HHLA1: variants seen among roughly 807,000 people sequenced by gnomAD.
The protein encoded by HHLA1 is HHLA1 neighbor of OC90, also known as HERV-H LTR-associating protein 1.
A neutral mutation model predicts 69.9 loss-of-function variants in HHLA1; 72 were observed. The ratio of observed to expected loss-of-function variants is 1.03; its 90% CI spans 0.85 to 1.25. HHLA1 has a LOEUF of 1.25. HHLA1 is among the 50% of genes most tolerant of loss of function. The pLI, the probability that HHLA1 is intolerant of heterozygous loss-of-function variation, is 0.00. For synonymous variants in HHLA1, 252 were observed against 233.2 expected (o/e 1.08, Z -0.73); for missense variants, 685 against 642.2 (o/e 1.07, Z -0.72).
At chr8:132,070,785 ACTCAT>A (rs1305314226) in intron 15 of HHLA1, among the ~76,000 whole-genome samples, 2 of 151,322 alleles carry the variant, frequency 1.3e-5, no homozygotes, top group Non-Finnish European at 2.9e-5. Flanking sequence ...TCACTATTCA[ACTCAT>A]CTCATCACAG....
At chr8:132,109,661 GC>G (rs1234209593) in intron 1 of HHLA1, among the ~76,000 whole-genome samples, 2 of 152,146 alleles carry the variant, frequency 1.3e-5, no homozygotes, top group Non-Finnish European at 2.9e-5. Flanking sequence ...CTGACGTGCA[GC>G]CCCCAGCTCC....
chr8:132,105,749 G>A (rs1404614322), intron 1 of HHLA1, among the ~76,000 whole-genome samples: 1 of 152,150 alleles, frequency 6.6e-6, no homozygotes, highest in Non-Finnish European at 1.5e-5. Context: ...AGGAAAACTG[G>A]GAATGTAGAG....
intron 14 of HHLA1, among the ~76,000 whole-genome samples, chr8:132,072,018 G>A (rs1264077668): frequency 6.6e-6 from 1 of 152,122 alleles, no homozygotes; most frequent in African/African-American, 2.4e-5. Flanking sequence ...GCATGTGTAT[G>A]TGAGTGCAAA....
At position 132,090,684 on chromosome 8, in the gene HHLA1, A is replaced by G. The variant is rs16904587; in HGVS notation, c.449-1085T>C. Among the ~76,000 whole-genome samples, 262 of 151,838 alleles carry G rather than the reference A, an allele frequency of 1.7e-3. 1 individual carries two copies. Among genetic ancestry groups the G allele is most frequent in the African/African-American group, 5.9e-3 (243 of 41,440 alleles). On this transcript the variant is annotated intron_variant, in intron 7 of 16. Coordinates refer to ENST00000414222, the MANE Select transcript of HHLA1 (RefSeq NM_001145095.3). ...GAGGGAGAACACCTATGCAGTATGT[A>G]GTATACCTATGCAGGTATAGACACC...
chr8:132,092,509 A>G (rs1823962408), intron 7 of HHLA1, among the ~76,000 whole-genome samples: 1 of 152,184 alleles, frequency 6.6e-6, no homozygotes, highest in African/African-American at 2.4e-5. Context: ...GGTTAGCACC[A>G]CGTCCTTGGT....
chr8:132,087,798 C>G, intron 9 of HHLA1, 47 bp downstream of exon 9: 1 of 1,545,202 alleles, frequency 6.5e-7, no homozygotes, highest in Non-Finnish European at 8.8e-7. Context: ...ACAGTTTTGT[C>G]TATTTCTCAG....
At chr8:132,085,471 C>G (rs1243831473) in intron 10 of HHLA1, 1 of 390,200 alleles carries the variant, frequency 2.6e-6, no homozygotes, top group Admixed American at 2.9e-5. Flanking sequence ...GTAGGTGGAT[C>G]TTTCTCATGG....
chr8:132,104,082 A>T (rs1395457249), intron 3 of HHLA1, 26 bp downstream of exon 3: 1 of 1,529,336 alleles, frequency 6.5e-7, no homozygotes, highest in Non-Finnish European at 8.9e-7. Context: ...CAGTGAGCTG[A>T]AAAGGAGCCC....
intron 5 of HHLA1, 72 bp from the exon 6 acceptor site, chr8:132,095,858 G>A (rs1047453451): frequency 1.2e-6 from 1 of 865,432 alleles, no homozygotes. Context: ...TAAGTAAACA[G>A]TCCCTAGAAA....
chr8:132,090,010 G>A (rs1823923120), intron 7 of HHLA1, among the ~76,000 whole-genome samples: 1 of 152,206 alleles, frequency 6.6e-6, no homozygotes, highest in East Asian at 1.9e-4. Flanking sequence ...AGACTTGGGG[G>A]TTGGAAAATG....
At position 132,086,888 on chromosome 8, in the gene HHLA1, G is replaced by A. The variant is rs931717943; in HGVS notation, c.676+765C>T. Among the ~76,000 whole-genome samples the A allele has an allele frequency of 3.9e-5, 6 of 152,332 alleles. No individual in the cohort carries two copies. In the South Asian group the frequency reaches 1.0e-3, roughly 26 times the overall value. ...TTGTATCCTTCATTGCACTTCAAGA[G>A]AAAGTAATGAAGAGCCCACTATGTG... On this transcript the variant is annotated intron_variant, in intron 10 of 16. Coordinates refer to ENST00000414222, the MANE Select transcript of HHLA1 (RefSeq NM_001145095.3).
intron 10 of HHLA1, among the ~76,000 whole-genome samples, chr8:132,084,953 C>T (rs1488128375): frequency 1.3e-5 from 2 of 151,422 alleles, no homozygotes; most frequent in African/African-American, 4.9e-5. Context: ...CTTGCCCCTG[C>T]CCCAGGAAAG....
intron 1 of HHLA1, among the ~76,000 whole-genome samples, chr8:132,108,543 C>G (rs1443932887): frequency 2.6e-5 from 4 of 152,128 alleles, no homozygotes; most frequent in African/African-American, 9.7e-5. Context: ...TTCCGTGACA[C>G]TTGCAGAAAA....
chr8:132,107,786 A>G (rs1353010258), intron 1 of HHLA1, among the ~76,000 whole-genome samples: 5 of 152,160 alleles, frequency 3.3e-5, no homozygotes, highest in African/African-American at 1.2e-4. Context: ...TTGAGATAAC[A>G]GTGAATAATA....
intron 11 of HHLA1, 123 bp downstream of exon 11, chr8:132,079,595 C>T: frequency 9.1e-7 from 1 of 1,093,800 alleles, no homozygotes; most frequent in South Asian, 1.7e-5. Flanking sequence ...TTTAAGTAAG[C>T]TGAAGCGTAA....
chr8:132,083,065 T>A (rs911726520), intron 10 of HHLA1, among the ~76,000 whole-genome samples: 5 of 151,626 alleles, frequency 3.3e-5, no homozygotes, highest in African/African-American at 1.2e-4. Context: ...AGTAGAGGTA[T>A]CTTATACTTG....
intron 8 of HHLA1, 106 bp from the exon 9 acceptor site, chr8:132,088,007 A>T: frequency 1.2e-6 from 1 of 820,474 alleles, no homozygotes. Context: ...AGGATAATAT[A>T]GGAAAATAAG....
chr8:132,084,063 C>T (rs922925075), intron 10 of HHLA1, among the ~76,000 whole-genome samples: 3 of 151,894 alleles, frequency 2.0e-5, no homozygotes, highest in African/African-American at 4.8e-5. Flanking sequence ...TGAAAAAGAG[C>T]CTAAATGCTA....
intron 13 of HHLA1, 35 bp from the exon 14 acceptor site, chr8:132,076,164 A>T (rs1823636406): frequency 6.9e-7 from 1 of 1,446,224 alleles, no homozygotes; most frequent in African/African-American, 1.4e-5. Context: ...CAGAAGTCAG[A>T]ATGGAATTAC....
Sources: gnomAD v4.1 joint callset for allele counts (sites outside exome capture counted in the v4.1 genomes callset) on GRCh38, gnomAD v4.1.1 for gene constraint, MANE v1.5 for transcripts, NCBI Gene and HGNC (gene_info 2026-07-23, HGNC 2026-07-21) for gene names.